GPR55: variants seen among roughly 807,000 people sequenced by gnomAD.
GPR55 encodes the protein G-protein coupled receptor 55.
In GPR55, 6 loss-of-function variants were observed where a neutral mutation model predicts 7.9. That is an observed-to-expected ratio of 0.76 (90% confidence interval 0.41 to 1.49). GPR55 has a LOEUF of 1.49. Among genes scored for constraint, GPR55 ranks in the 40% most tolerant of loss-of-function variants. GPR55 has a pLI of 0.01. For synonymous variants in GPR55, 183 were observed against 166.8 expected (o/e 1.10, Z -0.75); for missense variants, 376 against 406.0 (o/e 0.93, Z 0.63).
intron 1 of GPR55, among the ~76,000 whole-genome samples, chr2:230,911,483 C>A (rs1690589993): frequency 6.6e-6 from 1 of 152,186 alleles, no homozygotes; most frequent in Non-Finnish European, 1.5e-5. Context: ...ACACAGTCAA[C>A]CTGCAACCAG....
At chr2:230,933,390 A>G (rs527607942) in intron 1 of GPR55, among the ~76,000 whole-genome samples, 94 of 152,226 alleles carry the variant, frequency 6.2e-4, no homozygotes, top group African/African-American at 2.1e-3. Context: ...TGGGACCCTG[A>G]TGTCCCTGCT....
Position 230,957,519 on chromosome 2 carries a change from G to C in GPR55, c.-135+3256C>G, listed in dbSNP as rs981120568. On this transcript the variant is annotated intron_variant, in intron 1 of 1. Coordinates refer to the GPR55 transcript ENST00000392039. ...TTGTGAATTTGGGCGGGACGGGGAG[G>C]GGCGCGGCTGGCCGGTCTTCCTTCT... 1.9e-5 allele frequency: 7 copies of C among 364,032 alleles called. No homozygotes were observed. The Admixed American group carries it at 2.0e-4, about 10-fold the overall frequency. 22.6% of individuals were successfully genotyped at this position (364,032 alleles called of 1,614,324 possible).
At chr2:230,941,319 G>A (rs970153751) in intron 1 of GPR55, among the ~76,000 whole-genome samples, 5 of 152,124 alleles carry the variant, frequency 3.3e-5, no homozygotes, top group African/African-American at 1.2e-4. Context: ...TCCACAGTGA[G>A]CAGGGCCCTT....
intron 1 of GPR55, among the ~76,000 whole-genome samples, chr2:230,912,838 G>C (rs1430843829): frequency 6.6e-6 from 1 of 152,198 alleles, no homozygotes. Flanking sequence ...TATTCGAAGA[G>C]AACAAAAGAA....
At chr2:230,942,056 A>G (rs924293660) in intron 1 of GPR55, among the ~76,000 whole-genome samples, 1 of 152,172 alleles carries the variant, frequency 6.6e-6, no homozygotes, top group Non-Finnish European at 1.5e-5. Context: ...GATGGGGGCT[A>G]TACTGGGCCT....
chr2:230,956,290 G>A (rs112093562), intron 1 of GPR55, among the ~76,000 whole-genome samples: 1,907 of 151,902 alleles, frequency 0.013, 50 homozygotes, highest in African/African-American at 0.044. Flanking sequence ...CCAGCCTCCC[G>A]AGTACCTGGG....
intron 1 of GPR55, among the ~76,000 whole-genome samples, chr2:230,951,233 A>T (rs1691400338): frequency 1.3e-5 from 2 of 152,222 alleles, no homozygotes; most frequent in African/African-American, 4.8e-5. Context: ...GACTATCTCC[A>T]GGTAGACAGT....
rs542599378 is a variant in GPR55 at position 230,951,940 on chromosome 2, A to T, written c.-135+8835T>A. On this transcript the variant is annotated intron_variant, in intron 1 of 1. Transcript: ENST00000392039. The stretch of plus-strand genomic sequence containing the variant: ...GGCCCGGCTAATTTTTTTTTTTTTA[A>T]TTTTTTTGCAGAAACGGGGGTCTTG... Among the ~76,000 whole-genome samples, 28 of 142,884 alleles carry T rather than the reference A, an allele frequency of 2.0e-4. No individual in the cohort carries two copies. The East Asian group carries it at 5.4e-3, about 27-fold the overall frequency. The allele number at this position is 142,884 out of a possible 152,430, so 93.7% of individuals were successfully genotyped here. A position where few individuals can be genotyped will look rare whatever the true frequency, so the allele number is the denominator to read the frequency against.
At chr2:230,925,334 A>T (rs778922836), upstream of GPR55, 7 of 152,486 alleles carry the variant, frequency 4.6e-5, no homozygotes, top group Non-Finnish European at 1.0e-4. Context: ...CTCCAGTGTC[A>T]CCCTGTCTGG....
chr2:230,912,532 C>T (rs1196455399), intron 1 of GPR55, among the ~76,000 whole-genome samples: 3 of 152,142 alleles, frequency 2.0e-5, no homozygotes, highest in African/African-American at 4.8e-5. Flanking sequence ...CCAGTTCAAG[C>T]GATTCTCCTG....
intron 1 of GPR55, among the ~76,000 whole-genome samples, chr2:230,938,397 CAAA>C (rs66962280): frequency 2.6e-5 from 3 of 116,268 alleles, no homozygotes; most frequent in Non-Finnish European, 3.9e-5. Flanking sequence ...ACCAGATGAC[CAAA>C]AAAAAAAAAA....
intron 1 of GPR55, among the ~76,000 whole-genome samples, chr2:230,916,137 G>A (rs112322725): frequency 0.011 from 1,644 of 152,154 alleles, 29 homozygotes; most frequent in African/African-American, 0.037. Flanking sequence ...ACTTTGGGAG[G>A]CCAAGGTTGA....
chr2:230,918,340 A>C (rs1690761042), intron 1 of GPR55, among the ~76,000 whole-genome samples: 1 of 152,228 alleles, frequency 6.6e-6, no homozygotes, highest in South Asian at 2.1e-4. Flanking sequence ...CTGTTGAAAA[A>C]CCTTGATGTA....
At chr2:230,920,086 T>A in intron 1 of GPR55, among the ~76,000 whole-genome samples, 1 of 117,036 alleles carries the variant, frequency 8.5e-6, no homozygotes, top group Non-Finnish European at 1.7e-5. Flanking sequence ...TCTTTATCTC[T>A]GTCTTTTGTG....
chr2:230,911,213 T>A, intron 1 of GPR55, 117 bp from the exon 2 acceptor site: 1 of 480,798 alleles, frequency 2.1e-6, no homozygotes, highest in East Asian at 3.3e-5. Context: ...CATACACACA[T>A]TTTTCTTTGA....
At chr2:230,949,224 C>T (rs1465611770) in intron 1 of GPR55, among the ~76,000 whole-genome samples, 3 of 151,992 alleles carry the variant, frequency 2.0e-5, no homozygotes, top group East Asian at 1.9e-4. Context: ...AGTGCAATGG[C>T]GCAATCTCAG....
chr2:230,955,702 C>T (rs914630833), intron 1 of GPR55, among the ~76,000 whole-genome samples: 1 of 138,168 alleles, frequency 7.2e-6, no homozygotes, highest in Non-Finnish European at 1.5e-5. Context: ...AAAGATTATG[C>T]CAGTGTCTTT....
intron 1 of GPR55, among the ~76,000 whole-genome samples, chr2:230,951,393 C>A (rs939032338): frequency 6.6e-6 from 1 of 152,090 alleles, no homozygotes; most frequent in Non-Finnish European, 1.5e-5. Context: ...GGGAGTGTTT[C>A]CCTGAAACAA....
chr2:230,950,281 C>G (rs1179098726), intron 1 of GPR55, among the ~76,000 whole-genome samples: 1 of 152,244 alleles, frequency 6.6e-6, no homozygotes, highest in East Asian at 1.9e-4. Flanking sequence ...TGGCAGAATG[C>G]AGAGTGTGCT....
Sources: allele counts gnomAD v4.1 joint callset (sites outside exome capture counted in the v4.1 genomes callset), GRCh38; gene constraint gnomAD v4.1.1; transcripts MANE v1.5; gene names NCBI Gene and HGNC (gene_info 2026-07-23, HGNC 2026-07-21).